The following SNX7 variants were observed in gnomAD, a reference collection of about 807,000 sequenced individuals.
The protein encoded by SNX7 is sorting nexin 7, also known as sorting nexin-7.
In SNX7, 35 loss-of-function variants were observed where a neutral mutation model predicts 48.4. That is an observed-to-expected ratio of 0.72 (90% CI 0.55 to 0.96). The LOEUF (loss-of-function observed/expected upper bound fraction) is 0.96. Ranked by LOEUF, SNX7 falls within the 40% of genes least tolerant of loss-of-function variation. The probability of loss-of-function intolerance (pLI) is 0.00; values close to 1 mark genes in which losing one functional copy is unlikely to be tolerated. For synonymous variants in SNX7, 190 were observed against 190.2 expected (o/e 1.00, Z 0.01); for missense variants, 553 against 548.9 (o/e 1.01, Z -0.07).
At chr1:98,673,955 T>G (rs1334484994) in intron 1 of SNX7, among the ~76,000 whole-genome samples, 2 of 152,218 alleles carry the variant, frequency 1.3e-5, no homozygotes, top group East Asian at 1.9e-4. Context: ...GCAGCCACTT[T>G]GAATTTGTAG....
At chr1:98,737,120 C>T (rs1028378552) in intron 7 of SNX7, among the ~76,000 whole-genome samples, 2 of 151,820 alleles carry the variant, frequency 1.3e-5, no homozygotes, top group Admixed American at 6.6e-5. Context: ...CTGGTCTTTC[C>T]GTTCTTAAAT....
intron 7 of SNX7, among the ~76,000 whole-genome samples, chr1:98,719,337 T>G (rs1652746325): frequency 6.6e-6 from 1 of 152,082 alleles, no homozygotes; most frequent in Non-Finnish European, 1.5e-5. Flanking sequence ...AGCTGGCTTA[T>G]TCCTGTACCC....
chr1:98,712,172 C>T (rs1652349054), intron 7 of SNX7, among the ~76,000 whole-genome samples: 4 of 152,162 alleles, frequency 2.6e-5, no homozygotes, highest in Admixed American at 2.0e-4. Context: ...TTAGAATCAA[C>T]TTCTTCCAAA....
intron 4 of SNX7, among the ~76,000 whole-genome samples, chr1:98,692,565 G>T (rs1413056511): frequency 6.6e-6 from 1 of 152,010 alleles, no homozygotes. Flanking sequence ...AAATACATGG[G>T]AACCACAAGA....
chr1:98,667,131 A>T (rs532003701), intron 1 of SNX7, among the ~76,000 whole-genome samples: 9 of 152,340 alleles, frequency 5.9e-5, no homozygotes, highest in Admixed American at 5.9e-4. Flanking sequence ...ATCTAAAACA[A>T]TAAAATCGTT....
At chr1:98,704,597 G>A (rs559061217) in intron 7 of SNX7, among the ~76,000 whole-genome samples, 1 of 152,102 alleles carries the variant, frequency 6.6e-6, no homozygotes, top group Non-Finnish European at 1.5e-5. Flanking sequence ...ATGCAGGATA[G>A]GGTCACCATG....
chr1:98,688,820 A>G (rs1450699316), intron 2 of SNX7, among the ~76,000 whole-genome samples: 1 of 152,184 alleles, frequency 6.6e-6, no homozygotes, highest in Non-Finnish European at 1.5e-5. Context: ...GAAATACATG[A>G]TATTTCTAAG....
At chr1:98,691,376 A>G (rs914062587) in intron 3 of SNX7, among the ~76,000 whole-genome samples, 159 bp from the exon 4 acceptor site, 3 of 151,822 alleles carry the variant, frequency 2.0e-5, no homozygotes, top group African/African-American at 7.3e-5. Context: ...ATGTGTTATG[A>G]TTTCTCATTT....
In SNX7 at chr1:98,674,900, T is replaced by C. The variant is rs1201255469; in HGVS notation, c.181-9985T>C. ...TCAGCCTGAACCCATCCCAGGACTT[T>C]CTTGTGTGTGTGCATTTTCACTGTT... On this transcript the variant is annotated intron_variant, in intron 1 of 8. Transcript: ENST00000306121. Among the ~76,000 whole-genome samples, 4 of 152,226 alleles carry C rather than the reference T, an allele frequency of 2.6e-5. No individual in the cohort carries two copies. In the South Asian group the frequency reaches 6.2e-4, roughly 24 times the overall value.
chr1:98,684,755 A>G (rs778194374), intron 1 of SNX7, 130 bp from the exon 2 acceptor site: 1 of 583,160 alleles, frequency 1.7e-6, no homozygotes, highest in South Asian at 5.3e-5. Flanking sequence ...CATGTTCAGT[A>G]TACCACATTT....
chr1:98,742,350 C>T (rs753032311), intron 8 of SNX7, among the ~76,000 whole-genome samples: 12 of 152,020 alleles, frequency 7.9e-5, no homozygotes, highest in Non-Finnish European at 4.4e-5. Context: ...TGCTGTGATC[C>T]GGCCCTGCTC....
intron 1 of SNX7, among the ~76,000 whole-genome samples, chr1:98,669,043 T>A (rs2100907021): frequency 6.6e-6 from 1 of 152,334 alleles, no homozygotes; most frequent in East Asian, 1.9e-4. Flanking sequence ...ATGGGCCTAT[T>A]CATCCCTTCA....
rs141711092 is a variant in SNX7, at chr1:98,666,404, C to T, written c.180+4493C>T. 3.0e-3 allele frequency among the ~76,000 whole-genome samples: 462 copies of T among 152,276 alleles called. 12 individuals carry two copies. The highest frequency in any genetic ancestry group is 0.025 in the Admixed American group (383 of 15,310). On this transcript the variant is annotated intron_variant, in intron 1 of 8. Coordinates refer to ENST00000306121, the MANE Select transcript of SNX7 (RefSeq NM_015976.5). ...CATTTACAGAGAGAGGTAGCTACTG[C>T]CGGAAACGTGCCAAAGCAGGAGGAA...
intron 1 of SNX7, among the ~76,000 whole-genome samples, chr1:98,683,746 A>G (rs768644355): frequency 2.0e-5 from 3 of 152,112 alleles, no homozygotes; most frequent in Non-Finnish European, 4.4e-5. Flanking sequence ...TAACAGCCTG[A>G]ATGGACTATG....
intron 8 of SNX7, among the ~76,000 whole-genome samples, chr1:98,740,330 C>T (rs1055869019): frequency 1.8e-4 from 27 of 152,022 alleles, no homozygotes; most frequent in East Asian, 1.9e-4. Flanking sequence ...AACTTGTCTA[C>T]GCTTACATTA....
intron 7 of SNX7, among the ~76,000 whole-genome samples, chr1:98,734,500 T>G (rs1653676935): frequency 6.6e-6 from 1 of 152,168 alleles, no homozygotes; most frequent in Admixed American, 6.6e-5. Context: ...ATATAATCTC[T>G]GCCTCTTCTT....
chr1:98,726,270 C>G (rs1369868337), intron 7 of SNX7, among the ~76,000 whole-genome samples: 1 of 152,072 alleles, frequency 6.6e-6, no homozygotes, highest in African/African-American at 2.4e-5. Context: ...AAGAAAGGAG[C>G]AAGAGAAGCA....
intron 2 of SNX7, among the ~76,000 whole-genome samples, chr1:98,685,704 C>T (rs180961904): frequency 5.1e-4 from 78 of 152,146 alleles, no homozygotes; most frequent in African/African-American, 1.6e-3. Context: ...GTTTATGAAG[C>T]GTCACCCTAG....
chr1:98,674,986 TATG>T (rs1353245744), intron 1 of SNX7, among the ~76,000 whole-genome samples: 2 of 152,208 alleles, frequency 1.3e-5, no homozygotes, highest in African/African-American at 4.8e-5. Context: ...TAATTTTTAT[TATG>T]CTATAATCTG....
Sources: allele counts gnomAD v4.1 joint callset (sites outside exome capture counted in the v4.1 genomes callset), GRCh38; gene constraint gnomAD v4.1.1; transcripts MANE v1.5; gene names NCBI Gene and HGNC (gene_info 2026-07-23, HGNC 2026-07-21).